Variants in TNR observed in about 807,000 individuals in gnomAD.
TNR encodes tenascin-R.
Under a neutral mutation model 150.4 loss-of-function variants are expected in TNR, and 45 were observed. That is an observed-to-expected ratio of 0.30 (90% CI 0.24 to 0.38). The LOEUF (loss-of-function observed/expected upper bound fraction) is 0.38. Among genes scored for constraint, TNR ranks in the 10% least tolerant of loss-of-function variants. The probability of loss-of-function intolerance (pLI) is 1.00; values close to 1 mark genes in which losing one functional copy is unlikely to be tolerated. For missense variants in TNR, 1,544 were observed against 1,759.1 expected (o/e 0.88, Z 2.19); for synonymous variants, 687 against 678.4 (o/e 1.01, Z -0.20).
chr1:175,417,063 G>GAAAGAAAGAAAGAAAGAAAGA (rs1553218295), intron 2 of TNR, among the ~76,000 whole-genome samples: 1 of 131,188 alleles, frequency 7.6e-6, no homozygotes, highest in Non-Finnish European at 1.7e-5. Flanking sequence ...AAGAAAGAAA[G>GAAAGAAAGAAAGAAAGAAAGA]AAAGAAAGAA....
At chr1:175,430,444 C>G (rs908666212) in intron 2 of TNR, among the ~76,000 whole-genome samples, 2 of 152,204 alleles carry the variant, frequency 1.3e-5, no homozygotes, top group African/African-American at 4.8e-5. Context: ...CTAGGAAGAT[C>G]ATTCTAGTGG....
At chr1:175,665,011 A>C (rs1436674240) in intron 1 of TNR, among the ~76,000 whole-genome samples, 1 of 152,250 alleles carries the variant, frequency 6.6e-6, no homozygotes, top group Non-Finnish European at 1.5e-5. Context: ...GGGTGAATCT[A>C]ACTTCCTACC....
At chr1:175,544,029 C>T (rs1234571123) in intron 1 of TNR, among the ~76,000 whole-genome samples, 1 of 152,138 alleles carries the variant, frequency 6.6e-6, no homozygotes, top group Non-Finnish European at 1.5e-5. Context: ...GCAGAGGGTG[C>T]AAGACAGACA....
intron 19 of TNR, among the ~76,000 whole-genome samples, chr1:175,336,674 C>T (rs972844937): frequency 1.3e-5 from 2 of 152,212 alleles, no homozygotes; most frequent in African/African-American, 4.8e-5. Context: ...AACAGTGTCT[C>T]TCTTTTCCTG....
chr1:175,720,101 CAT>C (rs1355016164), intron 1 of TNR, among the ~76,000 whole-genome samples: 5 of 152,200 alleles, frequency 3.3e-5, no homozygotes, highest in African/African-American at 9.6e-5. Context: ...CCAAAACTCA[CAT>C]GTTAGAGCCC....
chr1:175,395,929 T>A (rs1000901643), intron 5 of TNR, among the ~76,000 whole-genome samples: 1 of 152,198 alleles, frequency 6.6e-6, no homozygotes, highest in Non-Finnish European at 1.5e-5. Flanking sequence ...GCAGTTTAGA[T>A]TGCTTTCTGT....
intron 1 of TNR, among the ~76,000 whole-genome samples, chr1:175,708,120 G>A (rs1455367561): frequency 1.3e-5 from 2 of 151,780 alleles, no homozygotes; most frequent in Non-Finnish European, 2.9e-5. Context: ...TGTTAGCACA[G>A]CATAACTTAT....
intron 20 of TNR, among the ~76,000 whole-genome samples, chr1:175,331,114 TTTTC>T (rs373039613): frequency 0.047 from 3,273 of 69,342 alleles, 311 homozygotes; most frequent in Middle Eastern, 0.13. Context: ...TCTCTCTTTC[TTTTC>T]TTTCTTTCTT....
Position 175,400,094 on chromosome 1 carries a change from C to T in TNR, c.976+3046G>A, listed in dbSNP as rs562704450. ...GAGTTTTGGCCAGCTCCCTGGCCAG[C>T]CCCAGCACTAACCACCATCACTGGG... On this transcript the variant is annotated intron_variant, in intron 4 of 22. Coordinates refer to ENST00000367674, the MANE Select transcript of TNR (RefSeq NM_003285.3). 8.5e-5 allele frequency among the ~76,000 whole-genome samples: 13 copies of T among 152,312 alleles called. No homozygotes were observed. The East Asian group carries it at 2.3e-3, about 27-fold the overall frequency.
intron 1 of TNR, among the ~76,000 whole-genome samples, chr1:175,586,315 A>G (rs781503069): frequency 6.6e-6 from 1 of 151,992 alleles, no homozygotes; most frequent in Non-Finnish European, 1.5e-5. Context: ...TCTATATTTC[A>G]TTTTTGTTAC....
At chr1:175,568,448 A>G (rs1192502985) in intron 1 of TNR, among the ~76,000 whole-genome samples, 5 of 152,132 alleles carry the variant, frequency 3.3e-5, no homozygotes, top group Non-Finnish European at 2.9e-5. Context: ...ATCCCTTCCC[A>G]TAGAGAAGAT....
intron 2 of TNR, among the ~76,000 whole-genome samples, chr1:175,416,467 C>T (rs963248410): frequency 1.3e-5 from 2 of 152,168 alleles, no homozygotes; most frequent in African/African-American, 4.8e-5. Flanking sequence ...AGCACCTGAC[C>T]TTTTGCTATC....
Position 175,466,828 on chromosome 1 carries a change from TG to T in TNR, c.-63-60052del, listed in dbSNP as rs148684322. Among the ~76,000 whole-genome samples the T allele has an allele frequency of 2.6e-3, 401 of 152,250 alleles. 5 individuals are homozygous for T. The highest frequency in any genetic ancestry group is 9.4e-3 in the African/African-American group (389 of 41,550). ...TCTACACCCAGTAGACAAACTAGCC[TG>T]GGTAGGAATCCGGGCTCCTCTTTCC... On this transcript the variant is annotated intron_variant, in intron 2 of 22. Transcript: ENST00000367674.
intron 1 of TNR, among the ~76,000 whole-genome samples, chr1:175,652,280 G>C (rs180670848): frequency 6.6e-6 from 1 of 151,262 alleles, no homozygotes; most frequent in East Asian, 1.9e-4. Flanking sequence ...CAAGACTTAA[G>C]GGGCACAAAT....
rs376085698 is a variant in TNR, at chr1:175,682,996, CT to C, written c.-165+60229del. ...TTTTGCAACAGGACTCAAACTACCCCTGGCCAGATATTCCCAGAAACAATGG... is the reference window on the plus strand; with the variant it reads ...TTTTGCAACAGGACTCAAACTACCCCGGCCAGATATTCCCAGAAACAATGG... On this transcript the variant is annotated intron_variant, in intron 1 of 22. Transcript: ENST00000367674. 2.7e-3 allele frequency among the ~76,000 whole-genome samples: 415 copies of C among 152,292 alleles called. 2 individuals carry two copies. Among genetic ancestry groups the C allele is most frequent in the African/African-American group, 9.7e-3 (402 of 41,570 alleles).
chr1:175,742,908 G>A (rs1667969503), intron 1 of TNR, among the ~76,000 whole-genome samples: 1 of 151,592 alleles, frequency 6.6e-6, no homozygotes, highest in South Asian at 2.1e-4. Context: ...CTTACATGGA[G>A]ACACGCAGAA....
chr1:175,718,461 G>A (rs962001635), intron 1 of TNR, among the ~76,000 whole-genome samples: 1 of 152,234 alleles, frequency 6.6e-6, no homozygotes, highest in African/African-American at 2.4e-5. Context: ...GACCTGGGTA[G>A]GGGAAGGAGG....
At chr1:175,608,375 T>A (rs1465453770) in intron 1 of TNR, among the ~76,000 whole-genome samples, 1 of 152,162 alleles carries the variant, frequency 6.6e-6, no homozygotes, top group Non-Finnish European at 1.5e-5. Context: ...GCACATCACA[T>A]ACAAAAGTAA....
At chr1:175,593,544 A>T (rs1033226618) in intron 1 of TNR, among the ~76,000 whole-genome samples, 2 of 152,148 alleles carry the variant, frequency 1.3e-5, no homozygotes, top group Admixed American at 1.3e-4. Flanking sequence ...TTGTCAGCTG[A>T]GGTTTTAGGA....
Sources: gnomAD v4.1 joint callset for allele counts (sites outside exome capture counted in the v4.1 genomes callset) on GRCh38, gnomAD v4.1.1 for gene constraint, MANE v1.5 for transcripts, NCBI Gene and HGNC (gene_info 2026-07-23, HGNC 2026-07-21) for gene names.